EFHB: variants seen among roughly 807,000 people sequenced by gnomAD.
The protein encoded by EFHB is EF-hand domain-containing family member B.
EFHB carries 91 observed loss-of-function variants against 87.2 expected under a neutral mutation model. That is an observed-to-expected ratio of 1.04 (90% CI 0.88 to 1.24). EFHB has a LOEUF of 1.24. Among genes scored for constraint, EFHB ranks in the 50% most tolerant of loss-of-function variants. The pLI, the probability that EFHB is intolerant of heterozygous loss-of-function variation, is 0.00. For missense variants in EFHB, 1,084 were observed against 998.8 expected, an observed-to-expected ratio of 1.09 and a Z score of -1.15; for synonymous variants, 325 against 333.6, an observed-to-expected ratio of 0.97 and a Z score of 0.28.
intron 1 of EFHB, among the ~76,000 whole-genome samples, chr3:19,932,207 C>T (rs1229534604): frequency 6.6e-6 from 1 of 152,186 alleles, no homozygotes; most frequent in Non-Finnish European, 1.5e-5. Flanking sequence ...ACATTAATTC[C>T]AGTCCATCAG....
chr3:19,910,726 C>T (rs1695024290), intron 5 of EFHB, among the ~76,000 whole-genome samples: 1 of 152,148 alleles, frequency 6.6e-6, no homozygotes, highest in Non-Finnish European at 1.5e-5. Flanking sequence ...TGTCACTCAA[C>T]CCCCAGCTTT....
chr3:19,893,170 C>T (rs1694359891), intron 9 of EFHB, among the ~76,000 whole-genome samples: 1 of 151,952 alleles, frequency 6.6e-6, no homozygotes, highest in East Asian at 1.9e-4. Flanking sequence ...AGGCTGGTCT[C>T]GAACTCATGA....
At chr3:19,902,779 G>T (rs953914396) in intron 6 of EFHB, among the ~76,000 whole-genome samples, 1 of 152,224 alleles carries the variant, frequency 6.6e-6, no homozygotes, top group African/African-American at 2.4e-5. Context: ...CTCCACGTTT[G>T]TAACAGAAAT....
chr3:19,915,206 G>A (rs1243268979), intron 5 of EFHB, 97 bp downstream of exon 5: 1 of 691,150 alleles, frequency 1.4e-6, no homozygotes, highest in East Asian at 2.7e-5. Context: ...CTATTACATG[G>A]CAGGCATTTA....
At chr3:19,911,975 A>G (rs1394565754) in intron 5 of EFHB, among the ~76,000 whole-genome samples, 1 of 151,920 alleles carries the variant, frequency 6.6e-6, no homozygotes, top group Non-Finnish European at 1.5e-5. Flanking sequence ...ATTTTATTTT[A>G]TTTTTAAAGT....
upstream of EFHB, chr3:19,936,161 G>T: frequency 7.1e-7 from 1 of 1,408,014 alleles, no homozygotes; most frequent in Non-Finnish European, 9.7e-7. Context: ...AACACTTCGG[G>T]AAGCCAAGGC....
intron 1 of EFHB, among the ~76,000 whole-genome samples, chr3:19,928,018 G>A (rs941039493): frequency 6.6e-6 from 1 of 150,520 alleles, no homozygotes; most frequent in Non-Finnish European, 1.5e-5. Flanking sequence ...AAAGCATAAA[G>A]ACAGTTGGAA....
intron 1 of EFHB, among the ~76,000 whole-genome samples, chr3:19,926,459 GTTCACGCCAT>G (rs1265304684): frequency 4.6e-5 from 7 of 152,112 alleles, no homozygotes; most frequent in Non-Finnish European, 8.8e-5. Context: ...CACCTCCCAG[GTTCACGCCAT>G]TCTCCTGCCT....
intron 1 of EFHB, among the ~76,000 whole-genome samples, chr3:19,940,092 T>A (rs189515574): frequency 6.6e-6 from 1 of 152,374 alleles, no homozygotes; most frequent in African/African-American, 2.4e-5. Context: ...TTACTTTCTA[T>A]GTACTTCTTT....
At chr3:19,900,067 T>C (rs1694619405) in intron 6 of EFHB, among the ~76,000 whole-genome samples, 1 of 152,034 alleles carries the variant, frequency 6.6e-6, no homozygotes, top group Admixed American at 6.6e-5. Flanking sequence ...AGTGAGACCC[T>C]GTCTCAAAAA....
At chr3:19,924,085 C>G (rs76060902) in intron 1 of EFHB, among the ~76,000 whole-genome samples, 8,607 of 152,142 alleles carry the variant, frequency 0.057, 800 homozygotes, top group African/African-American at 0.19. Context: ...ATAATAATAA[C>G]TAGTGATGAT....
At chr3:19,943,831 G>C (rs1696213691) in intron 1 of EFHB, among the ~76,000 whole-genome samples, 1 of 152,136 alleles carries the variant, frequency 6.6e-6, no homozygotes, top group South Asian at 2.1e-4. Context: ...TATTCTAGTA[G>C]GGATAGATAA....
intron 5 of EFHB, among the ~76,000 whole-genome samples, chr3:19,912,517 T>G (rs900210449): frequency 6.6e-6 from 1 of 152,160 alleles, no homozygotes; most frequent in African/African-American, 2.4e-5. Flanking sequence ...AATAATCACC[T>G]GAAGGTGCAA....
At position 19,882,632 on chromosome 3, in the gene EFHB, GCACTACCTT is replaced by G; in HGVS notation, c.2237_2245del (p.Glu746_Ser748del). ...AATGGTAGGATATAGTAGTGAATATGCACTACCTTCTTCACCATAATTAGTTCTGTCACT... is the reference window on the plus strand; with the variant it reads ...AATGGTAGGATATAGTAGTGAATATGCTTCACCATAATTAGTTCTGTCACT... On this transcript the variant is annotated inframe_deletion, in exon 12 of 13. Transcript: ENST00000295824. The G allele has an allele frequency of 6.2e-7, 1 of 1,613,318 alleles. No homozygotes were observed. Among genetic ancestry groups the G allele is most frequent in the Non-Finnish European group, 8.5e-7 (1 of 1,179,506 alleles).
chr3:19,885,237 A>G (rs935193691), intron 10 of EFHB, among the ~76,000 whole-genome samples: 2 of 151,020 alleles, frequency 1.3e-5, no homozygotes, highest in South Asian at 4.2e-4. Flanking sequence ...AAAAAAAAAA[A>G]GCGTATTTTA....
At chr3:19,910,916 T>C (rs1462217157) in intron 5 of EFHB, among the ~76,000 whole-genome samples, 1 of 152,222 alleles carries the variant, frequency 6.6e-6, no homozygotes, top group African/African-American at 2.4e-5. Context: ...CTAAAGCAGA[T>C]ACAGCTTAGA....
intron 9 of EFHB, among the ~76,000 whole-genome samples, chr3:19,892,072 G>A (rs1265436259): frequency 3.9e-5 from 6 of 152,090 alleles, no homozygotes; most frequent in African/African-American, 9.7e-5. Flanking sequence ...TCAAGTTATG[G>A]AATTGCCATT....
intron 11 of EFHB, 21 bp from the exon 12 acceptor site, chr3:19,882,752 G>A: frequency 6.4e-7 from 1 of 1,563,974 alleles, no homozygotes; most frequent in Non-Finnish European, 8.8e-7. Flanking sequence ...GATGAGGGAA[G>A]AAAACAGACA....
intron 9 of EFHB, among the ~76,000 whole-genome samples, chr3:19,890,481 T>C (rs1344219669): frequency 1.3e-5 from 2 of 152,166 alleles, no homozygotes; most frequent in Non-Finnish European, 2.9e-5. Flanking sequence ...TTAATGGGGT[T>C]TGGGCACAGT....
Sources: allele counts gnomAD v4.1 joint callset (sites outside exome capture counted in the v4.1 genomes callset), GRCh38; gene constraint gnomAD v4.1.1; transcripts MANE v1.5; gene names NCBI Gene and HGNC (gene_info 2026-07-23, HGNC 2026-07-21).